RBFOX1: variants seen among roughly 807,000 people sequenced by gnomAD.
The protein encoded by RBFOX1 is RNA binding fox-1 homolog 1, also known as RNA binding protein fox-1 homolog 1.
In RBFOX1, 8 loss-of-function variants were observed where a neutral mutation model predicts 57.7. The observed-to-expected ratio is 0.14, with a 90% confidence interval of 0.08 to 0.25. The LOEUF is 0.25. Ranked by LOEUF, RBFOX1 falls within the 10% of genes least tolerant of loss-of-function variation. The pLI, the probability that RBFOX1 is intolerant of heterozygous loss-of-function variation, is 1.00. For synonymous variants in RBFOX1, 326 were observed against 222.4 expected, an observed-to-expected ratio of 1.47 and a Z score of -4.15; for missense variants, 611 against 548.5, an observed-to-expected ratio of 1.11 and a Z score of -1.14.
chr16:6,812,676 C>T (rs535685331), intron 3 of RBFOX1, among the ~76,000 whole-genome samples: 9 of 152,166 alleles, frequency 5.9e-5, no homozygotes, highest in Non-Finnish European at 1.0e-4. Flanking sequence ...CACGCCTGGC[C>T]TTGGTTCAGT....
intron 4 of RBFOX1, among the ~76,000 whole-genome samples, chr16:5,907,173 G>T (rs551641456): frequency 1.3e-5 from 2 of 152,296 alleles, no homozygotes; most frequent in East Asian, 1.9e-4. Context: ...TTGTTGACCT[G>T]CTGTGGCTTC....
chr16:5,774,809 A>G (rs2054093121), intron 3 of RBFOX1, among the ~76,000 whole-genome samples: 1 of 152,094 alleles, frequency 6.6e-6, no homozygotes, highest in Admixed American at 6.6e-5. Flanking sequence ...CAGCCTACCA[A>G]GTAGCTGGGA....
At chr16:7,363,803 A>G (rs761587645) in intron 4 of RBFOX1, among the ~76,000 whole-genome samples, 2 of 152,090 alleles carry the variant, frequency 1.3e-5, no homozygotes, top group Non-Finnish European at 2.9e-5. Flanking sequence ...GCCGAAAATA[A>G]GTGCCCAGAA....
intron 3 of RBFOX1, among the ~76,000 whole-genome samples, chr16:6,973,565 T>G (rs1320502372): frequency 6.6e-6 from 1 of 152,190 alleles, no homozygotes; most frequent in Admixed American, 6.5e-5. Context: ...TCTGTTTATT[T>G]CTTTCTTCCC....
intron 4 of RBFOX1, among the ~76,000 whole-genome samples, chr16:7,502,797 G>A (rs976230553): frequency 2.6e-5 from 4 of 152,154 alleles, no homozygotes; most frequent in African/African-American, 4.8e-5. Context: ...GCCAAGATGG[G>A]CAGATCATCT....
chr16:7,519,346 C>A (rs1220272805), intron 5 of RBFOX1, among the ~76,000 whole-genome samples: 1 of 152,080 alleles, frequency 6.6e-6, no homozygotes, highest in Non-Finnish European at 1.5e-5. Flanking sequence ...TAGAAAGAGG[C>A]AGGGTGAGAG....
At chr16:6,638,070 T>A (rs2098459486) in intron 2 of RBFOX1, among the ~76,000 whole-genome samples, 1 of 152,116 alleles carries the variant, frequency 6.6e-6, no homozygotes, top group African/African-American at 2.4e-5. Flanking sequence ...TCTGCCACTC[T>A]CTCCCAACAA....
rs559647395 is a variant in RBFOX1 at position 7,309,152 on chromosome 16, A to G, written c.28-208995A>G. ...AAGAAAGGTCCCTCAGTCTCTTTCT[A>G]GAGGGATGTCTTACGTCGTAAATTG... On this transcript the variant is annotated intron_variant, in intron 4 of 15. Coordinates refer to ENST00000550418, the MANE Select transcript of RBFOX1 (RefSeq NM_018723.4). Among the ~76,000 whole-genome samples, 15 of 152,328 alleles carry G rather than the reference A, an allele frequency of 9.8e-5. No homozygotes were observed. In the South Asian group the frequency reaches 2.9e-3, roughly 29 times the overall value.
chr16:7,505,383 C>T (rs1323680923), intron 4 of RBFOX1, among the ~76,000 whole-genome samples: 1 of 152,010 alleles, frequency 6.6e-6, no homozygotes, highest in Non-Finnish European at 1.5e-5. Context: ...CCTCTGAGAC[C>T]CTGGAAAAGT....
intron 3 of RBFOX1, among the ~76,000 whole-genome samples, chr16:5,607,717 C>T (rs979133067): frequency 6.6e-6 from 1 of 152,190 alleles, no homozygotes; most frequent in Non-Finnish European, 1.5e-5. Context: ...ACACTACCTG[C>T]CCCAATCTGA....
At chr16:6,765,543 C>G (rs934017532) in intron 3 of RBFOX1, among the ~76,000 whole-genome samples, 6 of 152,010 alleles carry the variant, frequency 3.9e-5, no homozygotes, top group Non-Finnish European at 8.8e-5. Flanking sequence ...AAAAAGAATG[C>G]TGGTGGGAAT....
chr16:5,575,383 C>G (rs556777924), intron 2 of RBFOX1, among the ~76,000 whole-genome samples: 1 of 152,178 alleles, frequency 6.6e-6, no homozygotes. Flanking sequence ...ACATGCCCTG[C>G]GTGTCCTCTG....
intron 3 of RBFOX1, among the ~76,000 whole-genome samples, chr16:7,017,246 G>C (rs2093962008): frequency 6.6e-6 from 1 of 152,174 alleles, no homozygotes; most frequent in African/African-American, 2.4e-5. Context: ...AAAATGTGCA[G>C]CCTCGGCTGT....
chr16:6,139,658 A>G (rs1022908444), intron 1 of RBFOX1, among the ~76,000 whole-genome samples: 6 of 152,222 alleles, frequency 3.9e-5, no homozygotes, highest in African/African-American at 1.4e-4. Flanking sequence ...GTGATTGTCC[A>G]TGAATATAGA....
chr16:7,636,388 C>T (rs1364586007), intron 11 of RBFOX1, among the ~76,000 whole-genome samples: 1 of 152,164 alleles, frequency 6.6e-6, no homozygotes, highest in African/African-American at 2.4e-5. Context: ...TTTGAATTTC[C>T]AGTATACATC....
At chr16:5,278,120 C>T (rs1397130595) in intron 1 of RBFOX1, among the ~76,000 whole-genome samples, 1 of 152,132 alleles carries the variant, frequency 6.6e-6, no homozygotes, top group African/African-American at 2.4e-5. Context: ...ACATTGCCAC[C>T]AACAATATAC....
chr16:6,794,059 C>G (rs185565973), intron 3 of RBFOX1, among the ~76,000 whole-genome samples: 1 of 152,056 alleles, frequency 6.6e-6, no homozygotes, highest in Non-Finnish European at 1.5e-5. Flanking sequence ...CAGGAGTCAA[C>G]ATACTGCCCA....
chr16:6,444,072 A>C (rs145036575), intron 2 of RBFOX1, among the ~76,000 whole-genome samples: 217 of 152,288 alleles, frequency 1.4e-3, no homozygotes, highest in African/African-American at 3.4e-3. Flanking sequence ...GATATTCACA[A>C]AGCATAATGT....
At chr16:6,482,325 A>G (rs1275470262) in intron 2 of RBFOX1, among the ~76,000 whole-genome samples, 1 of 152,238 alleles carries the variant, frequency 6.6e-6, no homozygotes, top group African/African-American at 2.4e-5. Context: ...AACTGTGAAG[A>G]GAAAGGAAAA....
Sources: allele counts gnomAD v4.1 joint callset (sites outside exome capture counted in the v4.1 genomes callset), GRCh38; gene constraint gnomAD v4.1.1; transcripts MANE v1.5; gene names NCBI Gene and HGNC (gene_info 2026-07-23, HGNC 2026-07-21).